KCNJ6: variants seen among roughly 807,000 people sequenced by gnomAD.
The protein encoded by KCNJ6 is potassium inwardly rectifying channel subfamily J member 6.
Under a neutral mutation model 34.2 loss-of-function variants are expected in KCNJ6, and 9 were observed. The observed-to-expected ratio is 0.26, with a 90% CI of 0.16 to 0.46. KCNJ6 has a LOEUF of 0.46. Among genes scored for constraint, KCNJ6 ranks in the 20% least tolerant of loss-of-function variants. The pLI is 1.00. For synonymous variants in KCNJ6, 196 were observed against 207.1 expected (o/e 0.95, Z 0.46); for missense variants, 236 against 531.3 (o/e 0.44, Z 5.46).
intron 2 of KCNJ6, among the ~76,000 whole-genome samples, chr21:37,834,658 T>C (rs1208482179): frequency 6.6e-6 from 1 of 152,260 alleles, no homozygotes; most frequent in East Asian, 1.9e-4. Flanking sequence ...TTAATTGAGC[T>C]AATTTAATGT....
chr21:37,829,329 G>A (rs947628187), intron 2 of KCNJ6, among the ~76,000 whole-genome samples: 6 of 152,170 alleles, frequency 3.9e-5, no homozygotes, highest in African/African-American at 1.4e-4. Context: ...TTAAAAATGT[G>A]TTTATTTACT....
intron 3 of KCNJ6, among the ~76,000 whole-genome samples, chr21:37,678,911 C>T (rs1474400267): frequency 1.3e-5 from 2 of 152,180 alleles, no homozygotes; most frequent in African/African-American, 4.8e-5. Flanking sequence ...ATGGAGCCTA[C>T]GTTCCTTCCC....
At position 37,617,112 on chromosome 21, in the gene KCNJ6, CCTT is replaced by C. The variant is rs2054274019; in HGVS notation, c.*8044_*8046del. 1 of 127,912 alleles carries C rather than the reference CCTT, an allele frequency of 7.8e-6. No individual in the cohort carries two copies. The highest frequency in any genetic ancestry group is 1.6e-5 in the Non-Finnish European group (1 of 61,654). The allele number at this position is 127,912 out of a possible 1,614,324, so 7.9% of individuals were successfully genotyped here. On this transcript the variant is annotated 3_prime_UTR_variant, in exon 4 of 4. Coordinates refer to ENST00000609713, the MANE Select transcript of KCNJ6 (RefSeq NM_002240.5). Reference sequence around the variant, plus strand: ...CTTTCTTTCTTTTCTTTCTTTCTTTCCTTCTTCCTTCCTTCCTTCTTTCTTTCC... The same window carrying C: ...CTTTCTTTCTTTTCTTTCTTTCTTTCCTTCCTTCCTTCCTTCTTTCTTTCC...
rs1197057713 is a variant in KCNJ6, at chr21:37,811,209, C to A, written c.25+29449G>T. The stretch of plus-strand genomic sequence containing the variant: ...ACCCCAACTCCATGGGGATAGGAAC[C>A]CCTGCTCTCAGACCTTTCTAACCTT... On this transcript the variant is annotated intron_variant, in intron 2 of 3. Transcript: ENST00000609713. Among the ~76,000 whole-genome samples, 5 of 152,152 alleles carry A rather than the reference C, an allele frequency of 3.3e-5. No homozygotes were observed. In the East Asian group the frequency reaches 9.6e-4, roughly 29 times the overall value.
At chr21:37,765,692 G>A (rs535579300) in intron 2 of KCNJ6, among the ~76,000 whole-genome samples, 1 of 152,282 alleles carries the variant, frequency 6.6e-6, no homozygotes, top group East Asian at 1.9e-4. Flanking sequence ...AACCCCTGAA[G>A]CCTTCTTTCA....
chr21:37,736,513 A>C (rs1369482144), intron 2 of KCNJ6, among the ~76,000 whole-genome samples: 1 of 152,208 alleles, frequency 6.6e-6, no homozygotes, highest in East Asian at 1.9e-4. Context: ...AGAAAAGAGA[A>C]GTTGCTTTTG....
intron 2 of KCNJ6, among the ~76,000 whole-genome samples, chr21:37,720,999 G>A (rs375636180): frequency 6.6e-5 from 10 of 152,182 alleles, no homozygotes; most frequent in East Asian, 1.9e-4. Context: ...GAGCCACCGC[G>A]CCCGGCCGAG....
intron 2 of KCNJ6, among the ~76,000 whole-genome samples, chr21:37,808,236 G>T (rs1027488799): frequency 3.9e-5 from 6 of 152,206 alleles, no homozygotes; most frequent in African/African-American, 1.4e-4. Context: ...TACGAGCAAG[G>T]TGTTAAAAGT....
chr21:37,871,218 G>C (rs1186546366), intron 1 of KCNJ6, among the ~76,000 whole-genome samples: 2 of 152,050 alleles, frequency 1.3e-5, no homozygotes, highest in Non-Finnish European at 2.9e-5. Flanking sequence ...CCTGTACCGT[G>C]GGGGGAGCCA....
At chr21:37,912,532 C>A (rs2836050) in intron 1 of KCNJ6, among the ~76,000 whole-genome samples, 1 of 152,038 alleles carries the variant, frequency 6.6e-6, no homozygotes, top group Non-Finnish European at 1.5e-5. Flanking sequence ...TCATAATGAA[C>A]GTCTACTTCC....
intron 3 of KCNJ6, among the ~76,000 whole-genome samples, chr21:37,688,399 T>C (rs770596112): frequency 2.0e-5 from 3 of 152,022 alleles, no homozygotes; most frequent in Non-Finnish European, 2.9e-5. Flanking sequence ...TACTACATTC[T>C]AGATTCTATG....
intron 3 of KCNJ6, among the ~76,000 whole-genome samples, chr21:37,693,490 G>A (rs964410595): frequency 2.7e-5 from 4 of 150,210 alleles, no homozygotes; most frequent in Non-Finnish European, 4.5e-5. Context: ...TCTGGGACAA[G>A]CCGGGAGAGA....
intron 1 of KCNJ6, among the ~76,000 whole-genome samples, chr21:37,849,211 C>T (rs1310490101): frequency 1.3e-5 from 2 of 152,152 alleles, no homozygotes; most frequent in Non-Finnish European, 2.9e-5. Flanking sequence ...TAGGTTTGGT[C>T]CCTAGCTTCC....
intron 3 of KCNJ6, among the ~76,000 whole-genome samples, chr21:37,710,722 A>G (rs913233071): frequency 2.0e-5 from 3 of 152,206 alleles, no homozygotes; most frequent in African/African-American, 7.2e-5. Context: ...AACAGTCTAT[A>G]TGAATGCTTT....
At chr21:37,810,370 T>G (rs1183131515) in intron 2 of KCNJ6, among the ~76,000 whole-genome samples, 6 of 152,200 alleles carry the variant, frequency 3.9e-5, no homozygotes, top group Admixed American at 3.9e-4. Flanking sequence ...ATACATCTCT[T>G]GGTGCAACTG....
intron 2 of KCNJ6, among the ~76,000 whole-genome samples, chr21:37,747,406 C>T (rs953854999): frequency 2.6e-5 from 4 of 152,210 alleles, no homozygotes; most frequent in African/African-American, 9.6e-5. Flanking sequence ...TTAGGAAAAG[C>T]TGGCAAAGGC....
At chr21:37,742,405 A>G (rs2054945477) in intron 2 of KCNJ6, among the ~76,000 whole-genome samples, 1 of 152,060 alleles carries the variant, frequency 6.6e-6, no homozygotes, top group South Asian at 2.1e-4. Flanking sequence ...TCTGTATTCA[A>G]TCTCAGGGTC....
chr21:37,812,907 C>T (rs557900987), intron 2 of KCNJ6, among the ~76,000 whole-genome samples: 1 of 152,290 alleles, frequency 6.6e-6, no homozygotes, highest in East Asian at 1.9e-4. Flanking sequence ...ACTGGAAGTC[C>T]TAGCTACAGC....
At chr21:37,724,919 A>T (rs1371124937) in intron 2 of KCNJ6, among the ~76,000 whole-genome samples, 2 of 152,174 alleles carry the variant, frequency 1.3e-5, no homozygotes, top group Admixed American at 1.3e-4. Context: ...AAATAAAACT[A>T]CAGAAGTGTA....
Sources: allele counts gnomAD v4.1 joint callset (sites outside exome capture counted in the v4.1 genomes callset), GRCh38; gene constraint gnomAD v4.1.1; transcripts MANE v1.5; gene names NCBI Gene and HGNC (gene_info 2026-07-23, HGNC 2026-07-21).